The following DSCAML1 variants were observed in gnomAD, a reference collection of about 807,000 sequenced individuals.
DSCAML1 encodes the protein cell adhesion molecule DSCAML1.
Under a neutral mutation model 200.5 loss-of-function variants are expected in DSCAML1, and 38 were observed. The observed-to-expected ratio is 0.19, with a 90% CI of 0.15 to 0.25. DSCAML1 has a LOEUF of 0.25. DSCAML1 is among the 10% of genes least tolerant of loss of function. The pLI, the probability that DSCAML1 is intolerant of heterozygous loss-of-function variation, is 1.00. For missense variants in DSCAML1, 2,223 were observed against 2,858.8 expected (o/e 0.78, Z 5.07); for synonymous variants, 1,215 against 1,165.0 (o/e 1.04, Z -0.87).
chr11:117,633,473 C>T (rs1277166198), intron 3 of DSCAML1, among the ~76,000 whole-genome samples: 3 of 152,158 alleles, frequency 2.0e-5, no homozygotes, highest in African/African-American at 7.2e-5. Flanking sequence ...TTGGCTGTAC[C>T]TATCTTATCT....
At chr11:117,553,664 T>C (rs561962835) in intron 3 of DSCAML1, among the ~76,000 whole-genome samples, 4 of 152,276 alleles carry the variant, frequency 2.6e-5, no homozygotes, top group East Asian at 1.9e-4. Flanking sequence ...TGTGGCAAAA[T>C]TGAAATCCTC....
intron 11 of DSCAML1, among the ~76,000 whole-genome samples, chr11:117,492,989 A>C (rs979774547): frequency 3.3e-5 from 5 of 152,206 alleles, no homozygotes; most frequent in Non-Finnish European, 7.3e-5. Flanking sequence ...GCCAAGAGCC[A>C]GTGGGGAGGT....
At chr11:117,457,126 TC>T (rs34316609) in intron 19 of DSCAML1, among the ~76,000 whole-genome samples, 3 of 151,800 alleles carry the variant, frequency 2.0e-5, no homozygotes, top group Non-Finnish European at 2.9e-5. Context: ...CTAAGTGACT[TC>T]CCCATGAATG....
chr11:117,438,653 A>C (rs1216055935), intron 24 of DSCAML1, among the ~76,000 whole-genome samples: 2 of 151,974 alleles, frequency 1.3e-5, no homozygotes, highest in East Asian at 3.9e-4. Context: ...GAAACAGCCT[A>C]CTCCAGGGTC....
chr11:117,504,291 T>G lies in DSCAML1; in HGVS notation c.2183-270A>C, dbSNP rs138505803. 6.6e-6 allele frequency among the ~76,000 whole-genome samples: 1 copy of G among 152,162 alleles called. No individual in the cohort carries two copies. Among genetic ancestry groups the G allele is most frequent in the Admixed American group, 6.5e-5 (1 of 15,278 alleles). Reference sequence around the variant, plus strand: ...CCCACTTTGACACTGGCATGGAGCTTCTTTGGGGTAAATTCCTTGGAGAGG... The same window carrying G: ...CCCACTTTGACACTGGCATGGAGCTGCTTTGGGGTAAATTCCTTGGAGAGG... On this transcript the variant is annotated intron_variant, in intron 10 of 32. Coordinates refer to ENST00000651296, the MANE Select transcript of DSCAML1 (RefSeq NM_020693.4). This position sits in a 1 kb window ranked among gnomAD's most constrained non-coding sequence, Gnocchi z 5.0.
chr11:117,698,264 G>A (rs1199463410), intron 3 of DSCAML1, among the ~76,000 whole-genome samples: 10 of 152,186 alleles, frequency 6.6e-5, no homozygotes, highest in African/African-American at 2.4e-4. Context: ...AACTGGAATT[G>A]CTGGGTCATA....
intron 3 of DSCAML1, among the ~76,000 whole-genome samples, chr11:117,562,564 GGT>G (rs762836207): frequency 6.6e-6 from 1 of 152,220 alleles, no homozygotes; most frequent in African/African-American, 2.4e-5. Context: ...TGAGGCCCAA[GGT>G]TAAAGAAGCA....
At chr11:117,755,110 G>A (rs948978308) in intron 3 of DSCAML1, among the ~76,000 whole-genome samples, 2 of 152,186 alleles carry the variant, frequency 1.3e-5, no homozygotes, top group Non-Finnish European at 2.9e-5. Flanking sequence ...TCTGTAGTCT[G>A]AGGAAATTGT....
chr11:117,808,754 A>G (rs185272129), intron 1 of DSCAML1, among the ~76,000 whole-genome samples: 142 of 152,364 alleles, frequency 9.3e-4, no homozygotes, highest in African/African-American at 3.1e-3. Context: ...TTTGCTGAAT[A>G]ATAAATGGCT....
intron 3 of DSCAML1, among the ~76,000 whole-genome samples, chr11:117,574,868 G>A (rs1295783651): frequency 6.6e-6 from 1 of 152,186 alleles, no homozygotes; most frequent in Admixed American, 6.5e-5. Flanking sequence ...ACAAGCTACA[G>A]TCCCAGGGGT....
At chr11:117,815,541 AAAG>A (rs2055797616) in intron 1 of DSCAML1, among the ~76,000 whole-genome samples, 1 of 152,104 alleles carries the variant, frequency 6.6e-6, no homozygotes, top group Non-Finnish European at 1.5e-5. Context: ...CAGTGACACC[AAAG>A]AAGCCCTTTG....
rs1168669738 is a variant in DSCAML1 at position 117,435,646 on chromosome 11, C to A, written c.4874G>T (p.Arg1625Leu). 1.3e-6 allele frequency: 2 copies of A among 1,594,454 alleles called. No individual in the cohort carries two copies. The highest frequency in any genetic ancestry group is 1.7e-6 in the Non-Finnish European group (2 of 1,164,092). Residue 1625 changes from arginine to leucine, a missense_variant and splice_region_variant, in exon 27 of 33, where the codon CGA (arginine) becomes CTA (leucine). Transcript: ENST00000651296. ...AGGCCCATAGGAAGCTCCCCCACCT[C>A]GGAGTCGCTTCAGCCGTTTCTCCTT... ...KRKEKRLKRL[R>L]DAKSLAEMLI... is the part of the protein sequence containing the mutation.
At chr11:117,813,338 C>A (rs1200766411) in intron 1 of DSCAML1, among the ~76,000 whole-genome samples, 1 of 152,208 alleles carries the variant, frequency 6.6e-6, no homozygotes, top group Non-Finnish European at 1.5e-5. Flanking sequence ...GTCATCCCTA[C>A]TATCTTCTGT....
intron 3 of DSCAML1, among the ~76,000 whole-genome samples, chr11:117,722,128 C>T (rs1381724079): frequency 6.6e-6 from 1 of 152,136 alleles, no homozygotes; most frequent in Non-Finnish European, 1.5e-5. Context: ...TAATTCGTGA[C>T]ATCCTTCCTC....
intron 3 of DSCAML1, among the ~76,000 whole-genome samples, chr11:117,714,637 T>A (rs2053914614): frequency 6.6e-6 from 1 of 151,606 alleles, no homozygotes; most frequent in Non-Finnish European, 1.5e-5. Flanking sequence ...GCCAACATGG[T>A]GAAACCCCAT....
At chr11:117,554,067 T>C (rs891840139) in intron 3 of DSCAML1, among the ~76,000 whole-genome samples, 2 of 152,220 alleles carry the variant, frequency 1.3e-5, no homozygotes, top group South Asian at 2.1e-4. Context: ...GGACAAATAC[T>C]GTATGATTCT....
chr11:117,780,617 C>T lies in DSCAML1; in HGVS notation c.240G>A (p.Gly80=). 1 of 1,591,426 alleles carries T rather than the reference C, an allele frequency of 6.3e-7. No individual in the cohort carries two copies. The highest frequency in any genetic ancestry group is 1.3e-5 in the African/African-American group (1 of 74,276). The change falls in exon 2 of 33, where the codon GGG becomes GGA. Residue 80 remains glycine, a synonymous_variant. Transcript: ENST00000651296. This position sits in a 1 kb window ranked among gnomAD's most constrained non-coding sequence, Gnocchi z 4.8. The stretch of plus-strand genomic sequence containing the variant: ...GGGAGAAGGGGTAGAGCTGCAGCGT[C>T]CCGTTGGCGTGGACGTGCCGGATGT... ...VPHIRHVHAN[G]TLQLYPFSPS...
intron 3 of DSCAML1, among the ~76,000 whole-genome samples, chr11:117,626,199 A>ACCCCCC (rs758854447): frequency 7.7e-6 from 1 of 129,744 alleles, no homozygotes; most frequent in African/African-American, 2.9e-5. Context: ...TCTTGCTGAG[A>ACCCCCC]CCCCCCCCCC....
At position 117,518,400 on chromosome 11, in the gene DSCAML1, A is replaced by G. The variant is rs1273314863; in HGVS notation, c.1510+66T>C. 3 of 1,597,692 alleles carry G rather than the reference A, an allele frequency of 1.9e-6. No homozygotes were observed. Among genetic ancestry groups the G allele is most frequent in the Non-Finnish European group, 2.6e-6 (3 of 1,167,684 alleles). On this transcript the variant is annotated intron_variant, in intron 7 of 32. Transcript: ENST00000651296. The surrounding 1 kb of genome is among the most constrained non-coding windows in gnomAD (Gnocchi z 6.3). Reference sequence around the variant, plus strand: ...ATAAGTACTAATCAGCACAAGAATAATGGTAACCACAGAGATGGCAAAGGA... The same window carrying G: ...ATAAGTACTAATCAGCACAAGAATAGTGGTAACCACAGAGATGGCAAAGGA...
Sources: gnomAD v4.1 joint callset for allele counts (sites outside exome capture counted in the v4.1 genomes callset) on GRCh38, gnomAD v4.1.1 for gene constraint, Gnocchi (gnomAD v3.1) non-coding constraint, MANE v1.5 for transcripts, NCBI Gene and HGNC (gene_info 2026-07-23, HGNC 2026-07-21) for gene names.